The following ASIC2 variants were observed in gnomAD, a reference collection of about 807,000 sequenced individuals.
ASIC2 encodes the protein acid-sensing ion channel 2.
ASIC2 carries 25 observed loss-of-function variants against 57.3 expected under a neutral mutation model. That is an observed-to-expected ratio of 0.44 (90% confidence interval 0.32 to 0.61). The LOEUF is 0.61. ASIC2 is among the 20% of genes least tolerant of loss of function. The probability of loss-of-function intolerance (pLI) is 0.06; values close to 1 mark genes in which losing one functional copy is unlikely to be tolerated. For synonymous variants in ASIC2, 319 were observed against 307.5 expected, an observed-to-expected ratio of 1.04 and a Z score of -0.39; for missense variants, 641 against 738.1, an observed-to-expected ratio of 0.87 and a Z score of 1.52.
intron 1 of ASIC2, among the ~76,000 whole-genome samples, chr17:33,203,744 C>T (rs1906963348): frequency 1.3e-5 from 2 of 152,186 alleles, no homozygotes; most frequent in African/African-American, 2.4e-5. Flanking sequence ...GGTCCCTGCT[C>T]ATATAGGGTG....
chr17:33,091,578 T>C (rs2092157810), intron 2 of ASIC2, among the ~76,000 whole-genome samples: 1 of 152,162 alleles, frequency 6.6e-6, no homozygotes, highest in Non-Finnish European at 1.5e-5. Context: ...CCATGAGTAA[T>C]GGGCAAAACA....
intron 1 of ASIC2, among the ~76,000 whole-genome samples, chr17:33,342,973 G>A (rs1339347056): frequency 6.6e-6 from 1 of 152,158 alleles, no homozygotes; most frequent in Non-Finnish European, 1.5e-5. Flanking sequence ...CATCCAAGGG[G>A]CATATGTGAA....
At chr17:34,057,538 T>C (rs1490803496) in intron 1 of ASIC2, among the ~76,000 whole-genome samples, 1 of 152,102 alleles carries the variant, frequency 6.6e-6, no homozygotes, top group African/African-American at 2.4e-5. Flanking sequence ...AGGACGGATA[T>C]AATCAGATAT....
chr17:33,622,742 G>A (rs953553618), intron 1 of ASIC2, among the ~76,000 whole-genome samples: 10 of 152,196 alleles, frequency 6.6e-5, no homozygotes, highest in East Asian at 1.9e-4. Context: ...GGCAAATAGC[G>A]TATGTTCAAT....
At chr17:33,259,298 A>G (rs1031055169) in intron 1 of ASIC2, among the ~76,000 whole-genome samples, 1 of 152,236 alleles carries the variant, frequency 6.6e-6, no homozygotes, top group Non-Finnish European at 1.5e-5. Flanking sequence ...TATCTTGTAC[A>G]GCAATATATT....
intron 1 of ASIC2, among the ~76,000 whole-genome samples, chr17:33,889,672 C>G (rs368225705): frequency 5.2e-4 from 79 of 152,276 alleles, no homozygotes; most frequent in African/African-American, 1.7e-3. Context: ...TCACACCTGT[C>G]CTTAAAATCT....
chr17:33,366,237 T>C (rs560107603), intron 1 of ASIC2, among the ~76,000 whole-genome samples: 95 of 152,402 alleles, frequency 6.2e-4, no homozygotes, highest in African/African-American at 2.2e-3. Context: ...TTTATCTGAA[T>C]AAAATCTGAA....
At chr17:33,732,429 G>A (rs900949453) in intron 1 of ASIC2, among the ~76,000 whole-genome samples, 1 of 151,598 alleles carries the variant, frequency 6.6e-6, no homozygotes, top group Non-Finnish European at 1.5e-5. Flanking sequence ...TTTATGTATT[G>A]ATAGAAACTG....
chr17:34,022,673 C>T (rs1220291463), intron 1 of ASIC2, among the ~76,000 whole-genome samples: 6 of 151,490 alleles, frequency 4.0e-5, no homozygotes. Context: ...GCCCAGTAGC[C>T]AATAGAATAT....
rs569305253 is a variant in ASIC2, at chr17:33,624,965, G to A, written c.556-512898C>T. ...CAAAGAATACATTGTGAAAAGGCAC[G>A]ATAGCCAGCATGACTCTCAGTGAGC... On this transcript the variant is annotated intron_variant, in intron 1 of 9. Coordinates refer to the ASIC2 transcript ENST00000359872. Among the ~76,000 whole-genome samples the A allele has an allele frequency of 7.2e-5, 11 of 152,324 alleles. No individual in the cohort carries two copies. The East Asian group carries it at 1.4e-3, about 19-fold the overall frequency.
At chr17:34,008,608 TGCAGGAATGG>T (rs1906608660) in intron 1 of ASIC2, among the ~76,000 whole-genome samples, 1 of 152,278 alleles carries the variant, frequency 6.6e-6, no homozygotes, top group East Asian at 1.9e-4. Flanking sequence ...AGACCAATGC[TGCAGGAATGG>T]GCCTGAGGAG....
chr17:33,628,982 G>T (rs12946330), intron 1 of ASIC2, among the ~76,000 whole-genome samples: 1 of 152,106 alleles, frequency 6.6e-6, no homozygotes, highest in South Asian at 2.1e-4. Flanking sequence ...GGATGCGGCC[G>T]TTCTCCCCAT....
rs574015364 is a variant in ASIC2, at chr17:33,337,084, T to C, written c.556-225017A>G. Among the ~76,000 whole-genome samples, 137 of 152,194 alleles carry C rather than the reference T, an allele frequency of 9.0e-4. 2 individuals carry two copies. Among genetic ancestry groups the C allele is most frequent in the African/African-American group, 3.2e-3 (134 of 41,526 alleles). ...GCTGGCTTTGTGCTCCTGGGGGTCCTGCCCCCTCACAGAGGGCCTTGGAGA... is the reference window on the plus strand; with the variant it reads ...GCTGGCTTTGTGCTCCTGGGGGTCCCGCCCCCTCACAGAGGGCCTTGGAGA... On this transcript the variant is annotated intron_variant, in intron 1 of 9. Coordinates refer to the ASIC2 transcript ENST00000359872.
intron 1 of ASIC2, among the ~76,000 whole-genome samples, chr17:33,331,768 A>G (rs901957565): frequency 2.6e-5 from 4 of 152,204 alleles, no homozygotes; most frequent in African/African-American, 9.6e-5. Context: ...TCTTACATCA[A>G]CCTATTGTTA....
rs906580031 is a variant in ASIC2 at position 34,138,851 on chromosome 17, T to G, written c.555+17127A>C. Among the ~76,000 whole-genome samples, 3 of 152,266 alleles carry G rather than the reference T, an allele frequency of 2.0e-5. No individual in the cohort carries two copies. The South Asian group carries it at 6.2e-4, about 32-fold the overall frequency. On this transcript the variant is annotated intron_variant, in intron 1 of 9. Coordinates refer to the ASIC2 transcript ENST00000359872. ...TGTCCATCTGAGAATTAATCATCCC[T>G]CAAAGTCCACCTAGGCAATGATCAC...
At chr17:33,350,096 C>T (rs900478398) in intron 1 of ASIC2, among the ~76,000 whole-genome samples, 20 of 152,202 alleles carry the variant, frequency 1.3e-4, no homozygotes, top group Middle Eastern at 3.2e-3. Flanking sequence ...TCTTCACAGT[C>T]GGTGGAGACC....
At chr17:33,376,430 A>G (rs2141942674) in intron 1 of ASIC2, among the ~76,000 whole-genome samples, 1 of 152,234 alleles carries the variant, frequency 6.6e-6, no homozygotes, top group South Asian at 2.1e-4. Context: ...ACATATGTAT[A>G]CATGTGCCAT....
At chr17:33,114,883 T>G (rs924044218) in intron 1 of ASIC2, among the ~76,000 whole-genome samples, 1 of 152,186 alleles carries the variant, frequency 6.6e-6, no homozygotes, top group African/African-American at 2.4e-5. Context: ...TTTTTCCACT[T>G]ACAAAAAGAG....
At chr17:33,551,890 A>G (rs1350198849) in intron 1 of ASIC2, among the ~76,000 whole-genome samples, 8 of 152,104 alleles carry the variant, frequency 5.3e-5, no homozygotes, top group Admixed American at 4.6e-4. Flanking sequence ...ACCAGCTGCC[A>G]CCAAGCTGTG....
Sources: gnomAD v4.1 joint callset for allele counts (sites outside exome capture counted in the v4.1 genomes callset) on GRCh38, gnomAD v4.1.1 for gene constraint, MANE v1.5 for transcripts, NCBI Gene and HGNC (gene_info 2026-07-23, HGNC 2026-07-21) for gene names.